Variants in ERO1A observed in about 807,000 individuals in gnomAD.
The protein encoded by ERO1A is ERO1-like protein alpha.
Under a neutral mutation model 76.9 loss-of-function variants are expected in ERO1A, and 49 were observed. The ratio of observed to expected loss-of-function variants is 0.64; its 90% CI spans 0.51 to 0.81. ERO1A has a LOEUF of 0.81. Among genes scored for constraint, ERO1A ranks in the 30% least tolerant of loss-of-function variants. The probability of loss-of-function intolerance (pLI) is 0.00; values close to 1 mark genes in which losing one functional copy is unlikely to be tolerated. For missense variants in ERO1A, 448 were observed against 542.1 expected (o/e 0.83, Z 1.72); for synonymous variants, 174 against 181.2 (o/e 0.96, Z 0.32).
Position 52,653,301 on chromosome 14 carries a change from T to C in ERO1A, c.823A>G (p.Lys275Glu), listed in dbSNP as rs753764966. 2.5e-6 allele frequency: 4 copies of C among 1,598,452 alleles called. No individual in the cohort carries two copies. The South Asian group carries it at 4.6e-5, about 18-fold the overall frequency. The change falls in exon 12 of 16, where the codon AAG becomes GAG. Residue 275 changes from lysine (K) to glutamate (E), a missense_variant. Physicochemically the swap from Lys to Glu is moderately conservative, Grantham distance 56 (BLOSUM62 1). Transcript: ENST00000395686. ...TCTGTAATGTTGTGTCCCCATTTCT[T>C]TTCTAACCAGGTCTCTAAGAAGGAA... ...RYLLQETWLE[K>E]KWGHNITEFQ...
intron 13 of ERO1A, among the ~76,000 whole-genome samples, chr14:52,648,574 C>G (rs531579742): frequency 6.6e-6 from 1 of 152,230 alleles, no homozygotes; most frequent in East Asian, 1.9e-4. Context: ...TAAAGTGTTA[C>G]TAAATGCATG....
At chr14:52,663,328 A>T (rs767340429) in intron 8 of ERO1A, among the ~76,000 whole-genome samples, 3 of 152,108 alleles carry the variant, frequency 2.0e-5, no homozygotes, top group Non-Finnish European at 4.4e-5. Flanking sequence ...GGCCAGGGGC[A>T]GTGGCTCACA....
intron 9 of ERO1A, among the ~76,000 whole-genome samples, 174 bp downstream of exon 9, chr14:52,661,119 C>T (rs183784219): frequency 6.6e-6 from 1 of 152,176 alleles, no homozygotes; most frequent in East Asian, 1.9e-4. Context: ...TGAACCCAGA[C>T]ACAAAGTCAC....
intron 8 of ERO1A, 91 bp downstream of exon 8, chr14:52,663,710 A>C (rs974482448): frequency 6.5e-6 from 5 of 765,876 alleles, no homozygotes; most frequent in African/African-American, 1.7e-5. Context: ...TATGACTTCA[A>C]CTGTTACTGT....
At chr14:52,680,036 G>A (rs1408543894) in intron 3 of ERO1A, among the ~76,000 whole-genome samples, 2 of 149,770 alleles carry the variant, frequency 1.3e-5, no homozygotes, top group African/African-American at 4.9e-5. Context: ...CTCCAGCCTG[G>A]GCAACAGAGT....
chr14:52,671,907 AT>A, intron 4 of ERO1A, 36 bp from the exon 5 acceptor site: 1 of 1,330,566 alleles, frequency 7.5e-7, no homozygotes, highest in East Asian at 2.3e-5. Flanking sequence ...ATAATAACTT[AT>A]TGCATTTTTA....
rs2041181001 is a variant in ERO1A, at chr14:52,686,520, G to A, written c.115-2613C>T. Among the ~76,000 whole-genome samples, 3 of 152,180 alleles carry A rather than the reference G, an allele frequency of 2.0e-5. No homozygotes were observed. In the South Asian group the frequency reaches 6.2e-4, roughly 31 times the overall value. ...AATGCAAAAATCCTCCAGAGCAGAG[G>A]TGGCATATAGCCAAGAGACCTCAAA... On this transcript the variant is annotated intron_variant, in intron 1 of 15. Coordinates refer to ENST00000395686, the MANE Select transcript of ERO1A (RefSeq NM_014584.3).
chr14:52,671,535 C>CAGG, intron 6 of ERO1A, 95 bp downstream of exon 6: 1 of 795,890 alleles, frequency 1.3e-6, no homozygotes, highest in East Asian at 2.8e-5. Flanking sequence ...GCTGGGACTA[C>CAGG]AGGCACACCA....
rs1218261101 is a variant in ERO1A, at chr14:52,641,445, C to CAAAAAAAA, written c.*2117_*2124dup. ...TGAAACACTGCCTCTACTAAAAATA[C>CAAAAAAAA]AAAAAAAAAAAAAAAAAAATTAGCC... On this transcript the variant is annotated 3_prime_UTR_variant, in exon 16 of 16. Transcript: ENST00000395686. 1 of 74,878 alleles carries CAAAAAAAA rather than the reference C, an allele frequency of 1.3e-5. No individual in the cohort carries two copies. Among genetic ancestry groups the CAAAAAAAA allele is most frequent in the Non-Finnish European group, 2.8e-5 (1 of 36,216 alleles). The allele number at this position is 74,878 out of a possible 1,614,324, so 4.6% of individuals were successfully genotyped here.
At chr14:52,660,928 T>C (rs149677380) in intron 9 of ERO1A, among the ~76,000 whole-genome samples, 13 of 152,300 alleles carry the variant, frequency 8.5e-5, no homozygotes, top group Non-Finnish European at 1.9e-4. Context: ...TCAATACTCA[T>C]CATGCCCAGA....
At chr14:52,687,863 C>A (rs903789620) in intron 1 of ERO1A, among the ~76,000 whole-genome samples, 7 of 152,226 alleles carry the variant, frequency 4.6e-5, no homozygotes, top group Admixed American at 2.6e-4. Context: ...CCAAGGTAGG[C>A]CTGACAAGTA....
At position 52,640,648 on chromosome 14, in the gene ERO1A, G is replaced by A. The variant is rs1040388433; in HGVS notation, c.*2922C>T. 2.6e-5 allele frequency: 4 copies of A among 152,116 alleles called. No individual in the cohort carries two copies. Among genetic ancestry groups the A allele is most frequent in the Admixed American group, 2.0e-4 (3 of 15,262 alleles). The allele number at this position is 152,116 out of a possible 1,614,324, so 9.4% of individuals were successfully genotyped here. A position where few individuals can be genotyped will look rare whatever the true frequency, so the allele number is the denominator to read the frequency against. On this transcript the variant is annotated 3_prime_UTR_variant, in exon 16 of 16. Coordinates refer to ENST00000395686, the MANE Select transcript of ERO1A (RefSeq NM_014584.3). ...GTATAGGAGGCAGGTTAGTACTGTA[G>A]GTATTTATTAATAATAGCAATGAAG...
intron 1 of ERO1A, among the ~76,000 whole-genome samples, 175 bp downstream of exon 1, chr14:52,695,193 C>G (rs751997947): frequency 3.3e-5 from 5 of 152,300 alleles, no homozygotes; most frequent in African/African-American, 1.2e-4. Flanking sequence ...CGTGGAGGCC[C>G]GGTCCACGCC....
chr14:52,669,198 G>A (rs1230998984), intron 6 of ERO1A, among the ~76,000 whole-genome samples: 1 of 151,922 alleles, frequency 6.6e-6, no homozygotes, highest in African/African-American at 2.4e-5. Flanking sequence ...TTTTTTAACA[G>A]AAGACACTAA....
intron 11 of ERO1A, among the ~76,000 whole-genome samples, chr14:52,653,753 T>C (rs1168435460): frequency 6.6e-6 from 1 of 151,868 alleles, no homozygotes; most frequent in Non-Finnish European, 1.5e-5. Context: ...TTTATGGGTA[T>C]AATAAAAATT....
At position 52,652,279 on chromosome 14, in the gene ERO1A, G is replaced by A. The variant is rs866974289; in HGVS notation, c.1085C>T (p.Ser362Leu). 1.2e-6 allele frequency: 2 copies of A among 1,610,880 alleles called. No homozygotes were observed. Among genetic ancestry groups the A allele is most frequent in the Non-Finnish European group, 1.7e-6 (2 of 1,177,274 alleles). The change falls in exon 13 of 16, where the codon TCA becomes TTA. Residue 362 changes from serine (S) to leucine (L), a missense_variant. Ser to Leu is a moderately radical substitution (Grantham distance 145, BLOSUM62 -2). Transcript: ENST00000395686. Reference protein sequence around the residue: ...KSFPLHFDENSFFAGDKKEAH... With the variant: ...KSFPLHFDENLFFAGDKKEAH... The stretch of plus-strand genomic sequence containing the variant: ...TTCTTTTTTATCCCCAGCAAAAAAT[G>A]AATTCTCATCAAAATGCAAAGGAAA...
intron 11 of ERO1A, among the ~76,000 whole-genome samples, chr14:52,654,687 G>A (rs2039985238): frequency 6.6e-6 from 1 of 152,292 alleles, no homozygotes; most frequent in African/African-American, 2.4e-5. Flanking sequence ...TTCATGTGGA[G>A]ATAACATTTT....
Position 52,671,871 on chromosome 14 carries a change from A to ACTTGTAG in ERO1A, c.358-1_358insCTACAAG (p.Tyr120LeufsTer5). ...ATGAGATTATTGGCTTCTTCAGAAT[A>ACTTGTAG]CTAAAATGAAAAAGGGAATAAATAG... On this transcript the variant is annotated frameshift_variant and splice_region_variant. Transcript: ENST00000395686. LOFTEE classifies it high-confidence loss of function. 1 of 1,583,756 alleles carries ACTTGTAG rather than the reference A, an allele frequency of 6.3e-7. No homozygotes were observed. Among genetic ancestry groups the ACTTGTAG allele is most frequent in the Admixed American group, 1.8e-5 (1 of 56,556 alleles).
At chr14:52,675,468 A>C (rs2040753763) in intron 4 of ERO1A, among the ~76,000 whole-genome samples, 1 of 152,054 alleles carries the variant, frequency 6.6e-6, no homozygotes, top group Non-Finnish European at 1.5e-5. Flanking sequence ...TATATTTTTA[A>C]TTTTTCATAA....
Sources: allele counts gnomAD v4.1 joint callset (sites outside exome capture counted in the v4.1 genomes callset), GRCh38; gene constraint gnomAD v4.1.1; transcripts MANE v1.5; gene names NCBI Gene and HGNC (gene_info 2026-07-23, HGNC 2026-07-21).